PCDHGA9: variants seen among roughly 807,000 people sequenced by gnomAD.
PCDHGA9 encodes the protein protocadherin gamma subfamily A, 9.
Under a neutral mutation model 62.5 loss-of-function variants are expected in PCDHGA9, and 37 were observed. That is an observed-to-expected ratio of 0.59 (90% CI 0.46 to 0.78). The LOEUF is 0.78. PCDHGA9 is among the 30% of genes least tolerant of loss of function. PCDHGA9 has a pLI of 0.00. For missense variants in PCDHGA9, 1,138 were observed against 1,166.2 expected (o/e 0.98, Z 0.35); for synonymous variants, 459 against 484.6 (o/e 0.95, Z 0.69).
rs1393235114 is a variant in PCDHGA9, at chr5:141,476,581, G to T, written c.2425-18226G>T. ...CCGTGGCTCCGGGGACGCGCTTTCC[G>T]CTCGAGAGCGCGCACGATCCCGATG... On this transcript the variant is annotated intron_variant, in intron 1 of 3. Transcript: ENST00000573521. This position sits in a 1 kb window ranked among gnomAD's most constrained non-coding sequence, Gnocchi z 7.6. 8.7e-6 allele frequency: 14 copies of T among 1,614,112 alleles called. No homozygotes were observed. The Admixed American group carries it at 2.2e-4, about 25-fold the overall frequency.
chr5:141,414,526 G>T, intron 1 of PCDHGA9: 1 of 1,613,912 alleles, frequency 6.2e-7, no homozygotes, highest in Non-Finnish European at 8.5e-7. Flanking sequence ...AGATATCAAT[G>T]ACAACCCACC....
intron 1 of PCDHGA9, among the ~76,000 whole-genome samples, chr5:141,447,983 G>A (rs1311439824): frequency 6.6e-6 from 1 of 151,972 alleles, no homozygotes; most frequent in Non-Finnish European, 1.5e-5. Context: ...CTACTCGGGA[G>A]GCTGAGGCAT....
chr5:141,431,325 G>C lies in PCDHGA9; in HGVS notation c.2424+25949G>C, dbSNP rs772252181. On this transcript the variant is annotated intron_variant, in intron 1 of 3. Coordinates refer to ENST00000573521, the MANE Select transcript of PCDHGA9 (RefSeq NM_018921.3). The surrounding 1 kb of genome is among the most constrained non-coding windows in gnomAD (Gnocchi z 4.8). Reference sequence around the variant, plus strand: ...ATCGTGCAAAATGGAGCCGACGGTAGTAAGTACCCCGAATTGGTGCTGAAA... The same window carrying C: ...ATCGTGCAAAATGGAGCCGACGGTACTAAGTACCCCGAATTGGTGCTGAAA... 4.3e-6 allele frequency: 7 copies of C among 1,614,144 alleles called. No individual in the cohort carries two copies. In the Admixed American group the frequency reaches 8.3e-5, roughly 19 times the overall value.
intron 1 of PCDHGA9, among the ~76,000 whole-genome samples, chr5:141,471,145 G>T (rs569617031): frequency 3.4e-4 from 50 of 148,740 alleles, no homozygotes; most frequent in Non-Finnish European, 5.4e-4. Flanking sequence ...TGCCTCCTGG[G>T]TTCAAGTGAT....
chr5:141,489,625 A>G lies in PCDHGA9; in HGVS notation c.2425-5182A>G. ...GGTAGAGATCCTGGATCTCAATGAC[A>G]ACTCTCCTAGCTTTGCCACCCCTGA... On this transcript the variant is annotated intron_variant, in intron 1 of 3. Transcript: ENST00000573521. The surrounding 1 kb of genome is among the most constrained non-coding windows in gnomAD (Gnocchi z 4.5). 6.2e-7 allele frequency: 1 copy of G among 1,614,076 alleles called. No homozygotes were observed. The highest frequency in any genetic ancestry group is 8.5e-7 in the Non-Finnish European group (1 of 1,180,006).
chr5:141,464,483 C>G (rs192469583), intron 1 of PCDHGA9, among the ~76,000 whole-genome samples: 32 of 151,368 alleles, frequency 2.1e-4, no homozygotes, highest in African/African-American at 7.3e-4. Flanking sequence ...ATAATAAATT[C>G]CTAATAGTGT....
chr5:141,439,117 C>T (rs1219829519), intron 1 of PCDHGA9, among the ~76,000 whole-genome samples: 6 of 150,696 alleles, frequency 4.0e-5, no homozygotes, highest in African/African-American at 7.3e-5. Context: ...CACTTGAACC[C>T]GGGAGACAGA....
In PCDHGA9 at chr5:141,410,925, C is replaced by T. The variant is rs576126485; in HGVS notation, c.2424+5549C>T. The T allele has an allele frequency of 2.3e-5, 5 of 217,506 alleles. No individual in the cohort carries two copies. The East Asian group carries it at 5.8e-4, about 25-fold the overall frequency. 13.5% of individuals were successfully genotyped at this position (217,506 alleles called of 1,614,324 possible). Reference sequence around the variant, plus strand: ...CTGGAGTGCAGTGGCGTGATCTCTGCTCACTGCAACCTCCGCCTTCTGGGT... The same window carrying T: ...CTGGAGTGCAGTGGCGTGATCTCTGTTCACTGCAACCTCCGCCTTCTGGGT... On this transcript the variant is annotated intron_variant, in intron 1 of 3. Coordinates refer to ENST00000573521, the MANE Select transcript of PCDHGA9 (RefSeq NM_018921.3).
chr5:141,415,502 A>AGCCC, intron 1 of PCDHGA9: 1 of 1,614,204 alleles, frequency 6.2e-7, no homozygotes, highest in South Asian at 1.1e-5. Flanking sequence ...ATCTTCCCCC[A>AGCCC]GCCCAATTAT....
At position 141,417,952 on chromosome 5, in the gene PCDHGA9, G is replaced by C. The variant is rs766243694; in HGVS notation, c.2424+12576G>C. 10 of 1,613,510 alleles carry C rather than the reference G, an allele frequency of 6.2e-6. No individual in the cohort carries two copies. In the African/African-American group the frequency reaches 1.3e-4, roughly 22 times the overall value. On this transcript the variant is annotated intron_variant, in intron 1 of 3. Coordinates refer to ENST00000573521, the MANE Select transcript of PCDHGA9 (RefSeq NM_018921.3). ...CTTTGTTCTACCCCACGCTGTGTGA[G>C]CCGATCCGCTACTCGATTCCGGAGG...
intron 1 of PCDHGA9, chr5:141,429,167 TATAC>T (rs1240034860): frequency 7.3e-6 from 1 of 136,106 alleles, no homozygotes; most frequent in African/African-American, 2.9e-5. Flanking sequence ...AGACATTGTT[TATAC>T]ACACACACAC....
intron 1 of PCDHGA9, among the ~76,000 whole-genome samples, chr5:141,473,759 C>G (rs989399714): frequency 3.3e-5 from 5 of 152,158 alleles, no homozygotes; most frequent in African/African-American, 1.2e-4. Flanking sequence ...GGATACTATG[C>G]AAAGGATTTG....
chr5:141,461,667 G>C (rs1337688159), intron 1 of PCDHGA9, among the ~76,000 whole-genome samples: 4 of 151,994 alleles, frequency 2.6e-5, no homozygotes, highest in African/African-American at 9.7e-5. Context: ...TTTAAAGTTT[G>C]TTATTTTGTT....
intron 1 of PCDHGA9, among the ~76,000 whole-genome samples, chr5:141,407,776 A>G (rs1248399145): frequency 2.0e-5 from 3 of 152,234 alleles, no homozygotes; most frequent in Non-Finnish European, 4.4e-5. Context: ...TGTGCATAAT[A>G]GATTTATTTA....
chr5:141,407,735 T>C (rs2094975330), intron 1 of PCDHGA9, among the ~76,000 whole-genome samples: 1 of 152,246 alleles, frequency 6.6e-6, no homozygotes, highest in Non-Finnish European at 1.5e-5. Context: ...GTTCACTATA[T>C]ATACTCCCTA....
chr5:141,470,054 C>T (rs895181664), intron 1 of PCDHGA9, among the ~76,000 whole-genome samples: 2 of 152,118 alleles, frequency 1.3e-5, no homozygotes, highest in African/African-American at 4.8e-5. Flanking sequence ...GTTTGAACCC[C>T]GGAGGCAGAG....
At chr5:141,415,274 C>T (rs775112066) in intron 1 of PCDHGA9, 19 of 1,614,086 alleles carry the variant, frequency 1.2e-5, no homozygotes, top group Admixed American at 1.0e-4. Context: ...CTGGTGGTAG[C>T]GGTGGCCGCG....
Position 141,490,942 on chromosome 5 carries a change from C to T in PCDHGA9, c.2425-3865C>T, listed in dbSNP as rs371286343. On this transcript the variant is annotated intron_variant, in intron 1 of 3. Coordinates refer to ENST00000573521, the MANE Select transcript of PCDHGA9 (RefSeq NM_018921.3). This position sits in a 1 kb window ranked among gnomAD's most constrained non-coding sequence, Gnocchi z 5.4. ...TAATGCCCCAGCTGTGCTGCACCCA[C>T]GGCCAGACTGGGAACACTCAGCCCC... 8.7e-5 allele frequency: 141 copies of T among 1,613,526 alleles called. No individual in the cohort carries two copies. Among genetic ancestry groups the T allele is most frequent in the Non-Finnish European group, 1.1e-4 (126 of 1,179,768 alleles).
chr5:141,410,140 G>GCGTGA, intron 1 of PCDHGA9: 1 of 1,612,782 alleles, frequency 6.2e-7, no homozygotes, highest in Non-Finnish European at 8.5e-7. Flanking sequence ...TGGTCGCTGT[G>GCGTGA]CGTGACGGTG....
Sources: allele counts gnomAD v4.1 joint callset (sites outside exome capture counted in the v4.1 genomes callset), GRCh38; gene constraint gnomAD v4.1.1; non-coding constraint Gnocchi (gnomAD v3.1); transcripts MANE v1.5; gene names NCBI Gene and HGNC (gene_info 2026-07-23, HGNC 2026-07-21).